FGFR2: variants seen among roughly 807,000 people sequenced by gnomAD.
FGFR2 encodes fibroblast growth factor receptor 2.
In FGFR2, 19 loss-of-function variants were observed where a neutral mutation model predicts 95.9. That is an observed-to-expected ratio of 0.20 (90% CI 0.14 to 0.29). The LOEUF is 0.29. FGFR2 is among the 10% of genes least tolerant of loss of function. The pLI is 1.00. For missense variants in FGFR2, 707 were observed against 1,056.9 expected (o/e 0.67, Z 4.59); for synonymous variants, 392 against 393.3 (o/e 1.00, Z 0.04).
In FGFR2 at chr10:121,479,718, C is replaced by T. The variant is rs2133674247; in HGVS notation, c.*139G>A. ...AACTGTATAAATCTTTACACATATGCTGATTACTTTTCCAATTATTTACTC... is the reference window on the plus strand; with the variant it reads ...AACTGTATAAATCTTTACACATATGTTGATTACTTTTCCAATTATTTACTC... On this transcript the variant is annotated 3_prime_UTR_variant, in exon 18 of 18. Coordinates refer to ENST00000358487, the MANE Select transcript of FGFR2 (RefSeq NM_000141.5). 6.2e-7 allele frequency: 1 copy of T among 1,604,252 alleles called. No homozygotes were observed. The highest frequency in any genetic ancestry group is 1.1e-5 in the South Asian group (1 of 89,994).
chr10:121,586,123 A>C (rs1383943520), intron 2 of FGFR2, among the ~76,000 whole-genome samples: 1 of 152,228 alleles, frequency 6.6e-6, no homozygotes, highest in East Asian at 1.9e-4. Flanking sequence ...TCACTATGGA[A>C]AATTTAACAG....
At position 121,498,475 on chromosome 10, in the gene FGFR2, C is replaced by T. The variant is rs529464785; in HGVS notation, c.1672+20G>A. On this transcript the variant is annotated intron_variant, in intron 12 of 17. Coordinates refer to ENST00000358487, the MANE Select transcript of FGFR2 (RefSeq NM_000141.5). ...AAACTGCAGAGTATTTGGGCGAATG[C>T]AGTTTTTCCTCCTACTCACCATCCT... 7 of 1,463,332 alleles carry T rather than the reference C, an allele frequency of 4.8e-6. No individual in the cohort carries two copies. The South Asian group carries it at 6.8e-5, about 14-fold the overall frequency. The allele number at this position is 1,463,332 out of a possible 1,614,324, so 90.6% of individuals were successfully genotyped here.
chr10:121,518,674 AT>A lies in FGFR2; in HGVS notation c.940-1212del, dbSNP rs1432066335. The A allele has an allele frequency of 6.2e-7, 1 of 1,614,220 alleles. No homozygotes were observed. Among genetic ancestry groups the A allele is most frequent in the Admixed American group, 1.7e-5 (1 of 60,028 alleles). The stretch of plus-strand genomic sequence containing the variant: ...TTTAAAAAAAGACAAAAATGAAAGC[AT>A]TGTTACCTTGCTGTTTTGGCAGGAC... On this transcript the variant is annotated intron_variant, in intron 7 of 17. Coordinates refer to ENST00000358487, the MANE Select transcript of FGFR2 (RefSeq NM_000141.5). This position sits in a 1 kb window ranked among gnomAD's most constrained non-coding sequence, Gnocchi z 4.0.
intron 6 of FGFR2, chr10:121,538,286 G>C (rs1161132614): frequency 2.6e-6 from 2 of 761,762 alleles, no homozygotes; most frequent in East Asian, 2.4e-5. Context: ...CTTTTCACCT[G>C]CCCAATTAAC....
In FGFR2 at chr10:121,551,323, C is replaced by T; in HGVS notation, c.591G>A (p.Glu197=). The T allele has an allele frequency of 6.2e-7, 1 of 1,614,226 alleles. No individual in the cohort carries two copies. Among genetic ancestry groups the T allele is most frequent in the African/African-American group, 1.3e-5 (1 of 75,070 alleles). Residue 197 remains glutamate (E), a synonymous_variant, in exon 5 of 18, where the codon GAG becomes GAA. Transcript: ENST00000358487. ...PTMRWLKNGK[E]FKQEHRIGGY... is the part of the protein sequence containing the mutation. ...CTCCAATGCGATGCTCCTGCTTAAA[C>T]TCCTTCCCGTTTTTCAGCCACCGCA...
At chr10:121,559,708 C>T (rs1408023862) in intron 4 of FGFR2, among the ~76,000 whole-genome samples, 1 of 152,200 alleles carries the variant, frequency 6.6e-6, no homozygotes, top group Non-Finnish European at 1.5e-5. Flanking sequence ...TACAAAAGAA[C>T]CCTGCTTGCA....
At chr10:121,492,338 A>G (rs1287652718) in intron 13 of FGFR2, among the ~76,000 whole-genome samples, 1 of 152,124 alleles carries the variant, frequency 6.6e-6, no homozygotes, top group Non-Finnish European at 1.5e-5. Context: ...TTGCATTGCT[A>G]TATACACCAT....
At chr10:121,494,121 A>G (rs2133905128) in intron 13 of FGFR2, among the ~76,000 whole-genome samples, 1 of 151,880 alleles carries the variant, frequency 6.6e-6, no homozygotes, top group African/African-American at 2.4e-5. Context: ...GGCATTTTTG[A>G]AGCACTAACT....
rs3135728 is a variant in FGFR2 at position 121,566,793 on chromosome 10, C to T, written c.110-1089G>A. ...GGGTCTCATGGTTCTCTGTGCTTCC[C>T]GCCACCGACCCCATCCTGCTTGGCA... is the stretch of plus-strand genomic sequence containing the variant. On this transcript the variant is annotated intron_variant, in intron 2 of 17. Coordinates refer to ENST00000358487, the MANE Select transcript of FGFR2 (RefSeq NM_000141.5). 5.9e-3 allele frequency among the ~76,000 whole-genome samples: 890 copies of T among 152,062 alleles called. 6 individuals are homozygous for T. Among genetic ancestry groups the T allele is most frequent in the African/African-American group, 0.02 (847 of 41,472 alleles).
chr10:121,581,007 G>T (rs1860766703), intron 2 of FGFR2, among the ~76,000 whole-genome samples: 1 of 152,130 alleles, frequency 6.6e-6, no homozygotes, highest in Admixed American at 6.5e-5. Flanking sequence ...GCCCACACCT[G>T]GCCTGACTCC....
chr10:121,548,576 A>G (rs938204381), intron 5 of FGFR2, among the ~76,000 whole-genome samples: 6 of 152,002 alleles, frequency 3.9e-5, no homozygotes, highest in Non-Finnish European at 2.9e-5. Flanking sequence ...ACTAATTCAG[A>G]TTTGCAAAAA....
chr10:121,571,347 G>A (rs1858688047), intron 2 of FGFR2, among the ~76,000 whole-genome samples: 1 of 135,436 alleles, frequency 7.4e-6, no homozygotes, highest in Non-Finnish European at 1.5e-5. Flanking sequence ...CTCCCAGGCT[G>A]GAGTGCAGTG....
At chr10:121,567,547 G>A (rs1857867576) in intron 2 of FGFR2, among the ~76,000 whole-genome samples, 2 of 152,184 alleles carry the variant, frequency 1.3e-5, no homozygotes, top group Non-Finnish European at 2.9e-5. Flanking sequence ...CTGCACTTGT[G>A]GAGCGTCCAT....
intron 9 of FGFR2, among the ~76,000 whole-genome samples, chr10:121,514,706 G>C (rs1045848372): frequency 2.0e-5 from 3 of 152,136 alleles, no homozygotes; most frequent in African/African-American, 4.8e-5. Context: ...AGTCTCTTTC[G>C]TACTAGTGGC....
intron 5 of FGFR2, among the ~76,000 whole-genome samples, chr10:121,542,245 G>C (rs1191058526): frequency 6.6e-6 from 1 of 152,154 alleles, no homozygotes; most frequent in Non-Finnish European, 1.5e-5. Flanking sequence ...GTATAAGCCT[G>C]ACTATAAACA....
intron 9 of FGFR2, among the ~76,000 whole-genome samples, chr10:121,504,406 A>T (rs1848014848): frequency 6.6e-6 from 1 of 152,146 alleles, no homozygotes; most frequent in South Asian, 2.1e-4. Flanking sequence ...GCTCTACCAT[A>T]TTTCCTCTGT....
chr10:121,597,021 T>G (rs1294884942), intron 1 of FGFR2, among the ~76,000 whole-genome samples: 1 of 152,212 alleles, frequency 6.6e-6, no homozygotes, highest in Admixed American at 6.5e-5. Context: ...AAACACATAA[T>G]GGGTGCCCTG....
At chr10:121,532,979 C>G (rs1852295333) in intron 6 of FGFR2, among the ~76,000 whole-genome samples, 1 of 152,206 alleles carries the variant, frequency 6.6e-6, no homozygotes, top group Non-Finnish European at 1.5e-5. Flanking sequence ...TGATGCCTGA[C>G]CCATCCAGAA....
rs1849893863 is a variant in FGFR2 at position 121,517,786 on chromosome 10, T to A, written c.940-323A>T. On this transcript the variant is annotated intron_variant, in intron 7 of 17. Coordinates refer to ENST00000358487, the MANE Select transcript of FGFR2 (RefSeq NM_000141.5). This position sits in a 1 kb window ranked among gnomAD's most constrained non-coding sequence, Gnocchi z 4.7. Reference sequence around the variant, plus strand: ...TAGGGGTGGTTTTCCAAAAGTATGGTGCCCAGAAGGCCAAGCTGGTTCTGG... The same window carrying A: ...TAGGGGTGGTTTTCCAAAAGTATGGAGCCCAGAAGGCCAAGCTGGTTCTGG... Among the ~76,000 whole-genome samples, 1 of 152,040 alleles carries A rather than the reference T, an allele frequency of 6.6e-6. No individual in the cohort carries two copies. The highest frequency in any genetic ancestry group is 1.5e-5 in the Non-Finnish European group (1 of 67,996).
Sources: allele counts gnomAD v4.1 joint callset (sites outside exome capture counted in the v4.1 genomes callset), GRCh38; gene constraint gnomAD v4.1.1; non-coding constraint Gnocchi (gnomAD v3.1); transcripts MANE v1.5; gene names NCBI Gene and HGNC (gene_info 2026-07-23, HGNC 2026-07-21).